ZFHX3: variants seen among roughly 807,000 people sequenced by gnomAD.
The protein encoded by ZFHX3 is zinc finger homeobox protein 3.
A neutral mutation model predicts 279.1 loss-of-function variants in ZFHX3; 42 were observed. The observed-to-expected ratio is 0.15, with a 90% CI of 0.12 to 0.19. The LOEUF is 0.19. ZFHX3 is among the 10% of genes least tolerant of loss of function. The probability of loss-of-function intolerance (pLI) is 1.00; values close to 1 mark genes in which losing one functional copy is unlikely to be tolerated. For synonymous variants in ZFHX3, 2,293 were observed against 1,957.8 expected (o/e 1.17, Z -4.52); for missense variants, 4,981 against 4,754.0 (o/e 1.05, Z -1.40).
intron 3 of ZFHX3, 147 bp downstream of exon 3, chr16:72,950,322 C>G: frequency 2.5e-4 from 299 of 1,179,818 alleles, no homozygotes; most frequent in Non-Finnish European, 3.3e-4. Flanking sequence ...ACACCGCCGA[C>G]TCTCCTCTCA....
intron 4 of ZFHX3, among the ~76,000 whole-genome samples, chr16:73,290,214 C>T (rs1330388025): frequency 6.6e-6 from 1 of 152,122 alleles, no homozygotes; most frequent in Non-Finnish European, 1.5e-5. Context: ...GAGATTATAG[C>T]TTCGTGAATT....
intron 7 of ZFHX3, among the ~76,000 whole-genome samples, chr16:73,105,659 A>T (rs1048539382): frequency 2.0e-5 from 3 of 152,116 alleles, no homozygotes; most frequent in Non-Finnish European, 4.4e-5. Flanking sequence ...AGGCTGAGGC[A>T]GGAGAATCAC....
intron 3 of ZFHX3, among the ~76,000 whole-genome samples, chr16:73,377,264 G>C (rs1418651807): frequency 6.6e-6 from 1 of 152,102 alleles, no homozygotes; most frequent in African/African-American, 2.4e-5. Flanking sequence ...GAGACACCAT[G>C]CCTGGCCCAC....
intron 1 of ZFHX3, among the ~76,000 whole-genome samples, chr16:73,876,175 A>G (rs2029940504): frequency 1.3e-5 from 2 of 152,208 alleles, no homozygotes; most frequent in Admixed American, 6.5e-5. Context: ...GTAAAGAGGC[A>G]CTGAATTCTG....
intron 3 of ZFHX3, among the ~76,000 whole-genome samples, chr16:73,365,183 C>T (rs2016509703): frequency 6.6e-6 from 1 of 152,218 alleles, no homozygotes; most frequent in Admixed American, 6.5e-5. Flanking sequence ...CGGTACTTGG[C>T]AAGGTGCCAC....
intron 2 of ZFHX3, among the ~76,000 whole-genome samples, chr16:73,639,180 A>G (rs1393503694): frequency 3.9e-5 from 6 of 152,156 alleles, no homozygotes; most frequent in Admixed American, 2.6e-4. Context: ...ACTGTAGAAC[A>G]TCTTAGAACC....
chr16:72,980,451 T>C (rs1395002713), intron 1 of ZFHX3, among the ~76,000 whole-genome samples: 2 of 152,080 alleles, frequency 1.3e-5, no homozygotes, highest in Non-Finnish European at 2.9e-5. Context: ...AACTTGGGAT[T>C]AGATCATGTT....
intron 4 of ZFHX3, among the ~76,000 whole-genome samples, chr16:72,851,155 C>G (rs529638750): frequency 1.3e-5 from 2 of 152,174 alleles, no homozygotes; most frequent in East Asian, 3.9e-4. Flanking sequence ...AGAGGAGAGT[C>G]CTGAGCAGAC....
intron 2 of ZFHX3, chr16:73,608,689 G>A (rs2052215902): frequency 6.6e-6 from 1 of 151,948 alleles, no homozygotes; most frequent in Non-Finnish European, 1.5e-5. Context: ...CTAAATCCAT[G>A]GCAATTACCC....
intron 5 of ZFHX3, among the ~76,000 whole-genome samples, chr16:73,148,555 CTTTTTTTTTTTTT>C (rs36018349): frequency 1.4e-4 from 8 of 55,414 alleles, no homozygotes; most frequent in South Asian, 1.2e-3. Flanking sequence ...AAATGCTGGG[CTTTTTTTTTTTTT>C]TTTTTTTTTT....
intron 2 of ZFHX3, among the ~76,000 whole-genome samples, chr16:72,951,965 G>C (rs1234626208): frequency 6.6e-6 from 1 of 152,242 alleles, no homozygotes; most frequent in Non-Finnish European, 1.5e-5. Context: ...GATCTGGGGA[G>C]TGGGGCTGGA....
At chr16:73,503,508 C>T (rs756962807) in intron 2 of ZFHX3, among the ~76,000 whole-genome samples, 8 of 152,310 alleles carry the variant, frequency 5.3e-5, no homozygotes, top group Non-Finnish European at 8.8e-5. Context: ...CGGCACCTAC[C>T]CTCCTGGAGG....
At chr16:73,743,397 A>G (rs2053676155) in intron 1 of ZFHX3, among the ~76,000 whole-genome samples, 1 of 152,184 alleles carries the variant, frequency 6.6e-6, no homozygotes, top group South Asian at 2.1e-4. Flanking sequence ...ACTTATACAT[A>G]TATTTGAACG....
At chr16:73,283,297 G>C (rs1315382373) in intron 4 of ZFHX3, among the ~76,000 whole-genome samples, 1 of 152,108 alleles carries the variant, frequency 6.6e-6, no homozygotes, top group Non-Finnish European at 1.5e-5. Context: ...ATGACAATGA[G>C]GTATAAAGTC....
intron 2 of ZFHX3, among the ~76,000 whole-genome samples, chr16:73,474,230 C>G (rs2018725300): frequency 6.6e-6 from 1 of 152,150 alleles, no homozygotes; most frequent in Non-Finnish European, 1.5e-5. Flanking sequence ...TCACTGCAAC[C>G]TCCACCTCCC....
At chr16:73,869,441 A>G (rs1962108387) in intron 1 of ZFHX3, among the ~76,000 whole-genome samples, 1 of 152,250 alleles carries the variant, frequency 6.6e-6, no homozygotes, top group African/African-American at 2.4e-5. Flanking sequence ...TTCAAGCAAA[A>G]GTTACACAGG....
chr16:73,386,470 T>C lies in ZFHX3; in HGVS notation c.-1290-68134A>G, dbSNP rs887581010. Among the ~76,000 whole-genome samples, 4 of 152,318 alleles carry C rather than the reference T, an allele frequency of 2.6e-5. No homozygotes were observed. The South Asian group carries it at 6.2e-4, about 24-fold the overall frequency. On this transcript the variant is annotated intron_variant, in intron 3 of 17. Coordinates refer to the ZFHX3 transcript ENST00000641206. The stretch of plus-strand genomic sequence containing the variant: ...TCATAGGGAGATGAGATAAGGCATA[T>C]AGTGGTTACGTGTAAGACTATTATC...
intron 4 of ZFHX3, among the ~76,000 whole-genome samples, chr16:72,851,081 T>C (rs1373528380): frequency 6.6e-6 from 1 of 152,114 alleles, no homozygotes; most frequent in African/African-American, 2.4e-5. Context: ...CTTTCACTTA[T>C]AAATAGAAAG....
intron 1 of ZFHX3, among the ~76,000 whole-genome samples, chr16:73,858,512 T>C (rs1361061817): frequency 6.6e-6 from 1 of 152,232 alleles, no homozygotes; most frequent in African/African-American, 2.4e-5. Flanking sequence ...TGTCACACTA[T>C]ATTTTAGGGC....
Sources: gnomAD v4.1 joint callset for allele counts (sites outside exome capture counted in the v4.1 genomes callset) on GRCh38, gnomAD v4.1.1 for gene constraint, MANE v1.5 for transcripts, NCBI Gene and HGNC (gene_info 2026-07-23, HGNC 2026-07-21) for gene names.